Variants in GLIS3 observed in about 807,000 individuals in gnomAD.
The protein encoded by GLIS3 is zinc finger protein GLIS3.
Under a neutral mutation model 78.6 loss-of-function variants are expected in GLIS3, and 53 were observed. The ratio of observed to expected loss-of-function variants is 0.67; its 90% CI spans 0.54 to 0.85. The LOEUF is 0.85. Ranked by LOEUF, GLIS3 falls within the 40% of genes least tolerant of loss-of-function variation. GLIS3 has a pLI of 0.00. For missense variants in GLIS3, 1,703 were observed against 1,231.1 expected (o/e 1.38, Z -5.74); for synonymous variants, 684 against 509.9 (o/e 1.34, Z -4.60).
intron 2 of GLIS3, among the ~76,000 whole-genome samples, chr9:4,234,152 C>A (rs10974402): frequency 2.0e-5 from 3 of 152,140 alleles, no homozygotes; most frequent in Admixed American, 6.5e-5. Context: ...GCTTCCATAT[C>A]CTTCTTGTGT....
chr9:4,129,445 G>A (rs560943858), intron 2 of GLIS3, among the ~76,000 whole-genome samples: 1 of 152,210 alleles, frequency 6.6e-6, no homozygotes, highest in South Asian at 2.1e-4. Context: ...TGGATCATGG[G>A]GGGTGGATCC....
intron 2 of GLIS3, among the ~76,000 whole-genome samples, chr9:4,170,113 T>C (rs7853833): frequency 0.42 from 63,765 of 152,040 alleles, 13,489 homozygotes; most frequent in South Asian, 0.5. Flanking sequence ...GTACACATGA[T>C]TCCTGCCTTC....
At chr9:4,421,549 G>A in the GLIS3 span, among the ~76,000 whole-genome samples, 6 of 152,118 alleles carry the variant, frequency 3.9e-5, no homozygotes, top group Non-Finnish European at 7.3e-5. Flanking sequence ...GTTAGTTGTG[G>A]GTGAGGCACT....
At chr9:4,325,008 G>C (rs1012440110) in intron 2 of GLIS3, among the ~76,000 whole-genome samples, 1 of 152,164 alleles carries the variant, frequency 6.6e-6, no homozygotes, top group Non-Finnish European at 1.5e-5. Context: ...ACGGCCTGGT[G>C]CTGTAGGTAC....
chr9:4,461,055 T>C, the GLIS3 span, among the ~76,000 whole-genome samples: 1 of 152,244 alleles, frequency 6.6e-6, no homozygotes, highest in Non-Finnish European at 1.5e-5. Context: ...AGATGTTCTC[T>C]TATTTTACCA....
At chr9:4,473,507 G>T in the GLIS3 span, among the ~76,000 whole-genome samples, 1 of 149,364 alleles carries the variant, frequency 6.7e-6, no homozygotes, top group Non-Finnish European at 1.5e-5. Context: ...AGATGGAGCT[G>T]GAGGCCACTA....
chr9:4,390,885 C>T, the GLIS3 span, among the ~76,000 whole-genome samples: 3,969 of 152,298 alleles, frequency 0.026, 85 homozygotes, highest in South Asian at 0.081. Context: ...GAGGCAGAAA[C>T]AGGAATCGTA....
At chr9:4,015,220 G>T (rs1229437083) in intron 4 of GLIS3, among the ~76,000 whole-genome samples, 1 of 152,166 alleles carries the variant, frequency 6.6e-6, no homozygotes, top group Non-Finnish European at 1.5e-5. Flanking sequence ...TGTGTGCAGG[G>T]ATGTGAGGAA....
chr9:4,217,670 G>A (rs1322885872), intron 2 of GLIS3, among the ~76,000 whole-genome samples: 1 of 152,156 alleles, frequency 6.6e-6, no homozygotes, highest in East Asian at 1.9e-4. Flanking sequence ...AGCCAATGTG[G>A]TTTAATTTAC....
At chr9:4,125,211 C>G (rs762460297) in intron 3 of GLIS3, among the ~76,000 whole-genome samples, 1 of 152,204 alleles carries the variant, frequency 6.6e-6, no homozygotes, top group Non-Finnish European at 1.5e-5. Flanking sequence ...TATCTTTACT[C>G]TCTCTACTAG....
At chr9:3,990,963 G>A (rs889410132) in intron 4 of GLIS3, among the ~76,000 whole-genome samples, 2 of 152,156 alleles carry the variant, frequency 1.3e-5, no homozygotes, top group Non-Finnish European at 2.9e-5. Flanking sequence ...TCTAAGTGAA[G>A]CAGTTTTGTT....
the GLIS3 span, among the ~76,000 whole-genome samples, chr9:4,410,824 C>T: frequency 6.6e-6 from 1 of 152,178 alleles, no homozygotes; most frequent in Admixed American, 6.5e-5. Flanking sequence ...TTTAATCTTA[C>T]TGATAAGATT....
chr9:4,247,211 T>C (rs552799561), intron 2 of GLIS3, among the ~76,000 whole-genome samples: 1 of 152,184 alleles, frequency 6.6e-6, no homozygotes, highest in African/African-American at 2.4e-5. Context: ...TGAATTCTCT[T>C]AATAGCTGTT....
the GLIS3 span, among the ~76,000 whole-genome samples, chr9:4,448,898 T>C: frequency 5.0e-4 from 76 of 152,032 alleles, no homozygotes; most frequent in African/African-American, 1.7e-3. Context: ...GCTCCCAGAG[T>C]GATGGGTGCA....
chr9:3,868,244 G>C (rs183089430), intron 8 of GLIS3, among the ~76,000 whole-genome samples: 2 of 152,216 alleles, frequency 1.3e-5, no homozygotes, highest in Non-Finnish European at 2.9e-5. Flanking sequence ...ACACGCAGTC[G>C]TGCAGTGAAC....
At chr9:3,878,068 G>GT (rs1187333278) in intron 8 of GLIS3, among the ~76,000 whole-genome samples, 1 of 152,096 alleles carries the variant, frequency 6.6e-6, no homozygotes, top group African/African-American at 2.4e-5. Flanking sequence ...GTCCCTGACG[G>GT]TGTCCTTTCT....
At chr9:4,418,396 G>A in the GLIS3 span, among the ~76,000 whole-genome samples, 1 of 152,226 alleles carries the variant, frequency 6.6e-6, no homozygotes, top group South Asian at 2.1e-4. Context: ...GGATGTTACA[G>A]GATTTGCTCT....
chr9:4,274,384 G>C (rs1826799866), intron 2 of GLIS3, among the ~76,000 whole-genome samples: 1 of 151,986 alleles, frequency 6.6e-6, no homozygotes, highest in Non-Finnish European at 1.5e-5. Context: ...ACATTGATTG[G>C]GTTCCTTCTG....
chr9:4,049,636 G>A (rs1313371940), intron 4 of GLIS3, among the ~76,000 whole-genome samples: 1 of 152,004 alleles, frequency 6.6e-6, no homozygotes, highest in Non-Finnish European at 1.5e-5. Context: ...ATCTTCGGAG[G>A]AATGACCATC....
Sources: gnomAD v4.1 joint callset for allele counts (sites outside exome capture counted in the v4.1 genomes callset) on GRCh38, gnomAD v4.1.1 for gene constraint, MANE v1.5 for transcripts, NCBI Gene and HGNC (gene_info 2026-07-23, HGNC 2026-07-21) for gene names.